The following ABCG2 variants were observed in gnomAD, a reference collection of about 807,000 sequenced individuals.
The protein encoded by ABCG2 is broad substrate specificity ATP-binding cassette transporter ABCG2.
In ABCG2, 80 loss-of-function variants were observed where a neutral mutation model predicts 73.5. The observed-to-expected ratio is 1.09, with a 90% CI of 0.91 to 1.31. The LOEUF (loss-of-function observed/expected upper bound fraction) is 1.31. Ranked by LOEUF, ABCG2 falls within the 50% of genes most tolerant of loss-of-function variation. The pLI is 0.00. For synonymous variants in ABCG2, 269 were observed against 282.4 expected (o/e 0.95, Z 0.48); for missense variants, 796 against 786.2 (o/e 1.01, Z -0.15).
At chr4:88,225,897 G>A (rs1465054703) in intron 1 of ABCG2, among the ~76,000 whole-genome samples, 1 of 152,158 alleles carries the variant, frequency 6.6e-6, no homozygotes, top group African/African-American at 2.4e-5. Flanking sequence ...GACAGAAAAT[G>A]AGAGGCAAGT....
intron 1 of ABCG2, among the ~76,000 whole-genome samples, chr4:88,172,723 C>T (rs1002220974): frequency 6.6e-5 from 10 of 152,030 alleles, no homozygotes; most frequent in Admixed American, 2.0e-4. Context: ...TTAGAGGAGG[C>T]TTTATTTCTT....
chr4:88,093,575 C>T (rs1721789909), intron 15 of ABCG2, among the ~76,000 whole-genome samples: 1 of 151,598 alleles, frequency 6.6e-6, no homozygotes, highest in African/African-American at 2.4e-5. Context: ...TCTTCCGTTA[C>T]CATGAAGCCC....
upstream of ABCG2, chr4:88,163,809 A>G: frequency 3.1e-6 from 1 of 326,166 alleles, no homozygotes; most frequent in Non-Finnish European, 6.0e-6. Flanking sequence ...CCAAAGGAAT[A>G]AGGAATGTTC....
At chr4:88,173,931 C>T (rs901579661) in intron 1 of ABCG2, among the ~76,000 whole-genome samples, 3 of 152,104 alleles carry the variant, frequency 2.0e-5, no homozygotes, top group Non-Finnish European at 2.9e-5. Context: ...TACTTTTGGC[C>T]GATGTGTCTC....
intron 1 of ABCG2, among the ~76,000 whole-genome samples, chr4:88,184,053 T>C (rs1287237503): frequency 6.6e-6 from 1 of 152,094 alleles, no homozygotes; most frequent in Non-Finnish European, 1.5e-5. Context: ...ATAGAAAGAA[T>C]ATTCCTCAAC....
intron 1 of ABCG2, among the ~76,000 whole-genome samples, chr4:88,191,570 G>A (rs924669209): frequency 6.5e-5 from 8 of 123,126 alleles, no homozygotes; most frequent in Non-Finnish European, 1.3e-4. Flanking sequence ...AAAGCTAAAC[G>A]TATGTTTAAC....
intron 6 of ABCG2, among the ~76,000 whole-genome samples, chr4:88,119,105 A>G (rs1212980756): frequency 1.3e-5 from 2 of 152,194 alleles, no homozygotes; most frequent in African/African-American, 4.8e-5. Context: ...GTTCCCCCAT[A>G]CTGTTCTCGT....
chr4:88,120,078 G>C (rs1462626875), intron 6 of ABCG2, among the ~76,000 whole-genome samples: 1 of 152,144 alleles, frequency 6.6e-6, no homozygotes, highest in Admixed American at 6.5e-5. Flanking sequence ...TTGCTGCTTT[G>C]TACAGTCTCG....
At chr4:88,114,822 A>G in intron 8 of ABCG2, 135 bp downstream of exon 8, 1 of 560,882 alleles carries the variant, frequency 1.8e-6, no homozygotes, top group Non-Finnish European at 3.2e-6. Flanking sequence ...CAGACAACAA[A>G]ATATTTGTGT....
At position 88,098,645 on chromosome 4, in the gene ABCG2, G is replaced by T. The variant is rs200388345; in HGVS notation, c.1492+679C>A. ...ATACATATATAGAGAGAGACAGGGA[G>T]AGATAGATAGATAGATAGATAGATA... On this transcript the variant is annotated intron_variant, in intron 12 of 15. Transcript: ENST00000237612. Among the ~76,000 whole-genome samples, 8 of 143,814 alleles carry T rather than the reference G, an allele frequency of 5.6e-5. 1 individual carries two copies. The Admixed American group carries it at 5.7e-4, about 10-fold the overall frequency. The allele number at this position is 143,814 out of a possible 152,430, so 94.3% of individuals were successfully genotyped here.
At chr4:88,171,055 G>C (rs1482615069) in intron 1 of ABCG2, among the ~76,000 whole-genome samples, 1 of 152,026 alleles carries the variant, frequency 6.6e-6, no homozygotes, top group African/African-American at 2.4e-5. Flanking sequence ...ACTTATAAAT[G>C]GGAGCTAAAG....
At chr4:88,227,246 A>G (rs1730257439) in intron 1 of ABCG2, among the ~76,000 whole-genome samples, 1 of 152,118 alleles carries the variant, frequency 6.6e-6, no homozygotes, top group Non-Finnish European at 1.5e-5. Flanking sequence ...AAAATACAAA[A>G]ATAATCCAGG....
chr4:88,126,298 C>CA, intron 5 of ABCG2, among the ~76,000 whole-genome samples: 1 of 152,180 alleles, frequency 6.6e-6, no homozygotes, highest in East Asian at 1.9e-4. Context: ...GCCTACCAAC[C>CA]AAAAAAGGTC....
chr4:88,169,330 C>T (rs1376947932), intron 1 of ABCG2, among the ~76,000 whole-genome samples: 1 of 152,164 alleles, frequency 6.6e-6, no homozygotes, highest in Non-Finnish European at 1.5e-5. Context: ...AGGCATGAGC[C>T]ATCATGCCCA....
At chr4:88,135,769 G>A (rs1279616539) in intron 2 of ABCG2, among the ~76,000 whole-genome samples, 1 of 152,128 alleles carries the variant, frequency 6.6e-6, no homozygotes, top group African/African-American at 2.4e-5. Context: ...TTTTATAAAT[G>A]GGATTACTTC....
chr4:88,141,114 CT>C (rs552935589), intron 1 of ABCG2, among the ~76,000 whole-genome samples: 29 of 152,240 alleles, frequency 1.9e-4, no homozygotes, highest in African/African-American at 6.5e-4. Context: ...CCATGACGAA[CT>C]TTCTCTCTGC....
intron 1 of ABCG2, among the ~76,000 whole-genome samples, chr4:88,173,146 T>C (rs7657441): frequency 0.083 from 12,610 of 152,270 alleles, 1,772 homozygotes; most frequent in African/African-American, 0.29. Context: ...GGTCATCATA[T>C]TCACTTTTTC....
rs907793434 is a variant in ABCG2 at position 88,091,857 on chromosome 4, A to G, written c.*377T>C. ...AAATAATGGCAAACCATAGCATCAT[A>G]AAGTATTAAGACTGAAGGGCTACTA... On this transcript the variant is annotated 3_prime_UTR_variant, in exon 16 of 16. Coordinates refer to ENST00000237612, the MANE Select transcript of ABCG2 (RefSeq NM_004827.3). The G allele has an allele frequency of 6.1e-6, 1 of 162,996 alleles. No homozygotes were observed. The highest frequency in any genetic ancestry group is 1.8e-4 in the South Asian group (1 of 5,522). 10.1% of individuals were successfully genotyped at this position (162,996 alleles called of 1,614,324 possible).
Position 88,092,393 on chromosome 4 carries a change from CAG to C in ABCG2, c.1821-14_1821-13del. On this transcript the variant is annotated splice_polypyrimidine_tract_variant and intron_variant, in intron 15 of 15. Coordinates refer to ENST00000237612, the MANE Select transcript of ABCG2 (RefSeq NM_004827.3). ...CTTCGCCAGTACATCTGAAATTAAA[CAG>C]AAAAAGAATATAACTTCATTCCTAG... 3 of 1,604,168 alleles carry C rather than the reference CAG, an allele frequency of 1.9e-6. No individual in the cohort carries two copies. The Admixed American group carries it at 5.2e-5, about 28-fold the overall frequency.
Sources: gnomAD v4.1 joint callset for allele counts (sites outside exome capture counted in the v4.1 genomes callset) on GRCh38, gnomAD v4.1.1 for gene constraint, MANE v1.5 for transcripts, NCBI Gene and HGNC (gene_info 2026-07-23, HGNC 2026-07-21) for gene names.